ATP2B3: variants seen among roughly 807,000 people sequenced by gnomAD.
ATP2B3 encodes the protein plasma membrane calcium-transporting ATPase 3.
Under a neutral mutation model 70.8 loss-of-function variants are expected in ATP2B3, and 12 were observed. The observed-to-expected ratio is 0.17, with a 90% CI of 0.11 to 0.27. The LOEUF is 0.27. Among genes scored for constraint, ATP2B3 ranks in the 10% least tolerant of loss-of-function variants. The probability of loss-of-function intolerance (pLI) is 1.00; values close to 1 mark genes in which losing one functional copy is unlikely to be tolerated. For missense variants in ATP2B3, 858 were observed against 1,118.5 expected (o/e 0.77, Z 3.32); for synonymous variants, 460 against 497.8 (o/e 0.92, Z 1.01).
In ATP2B3 at chrX:153,549,509, G is replaced by T. The variant is rs782363742; in HGVS notation, c.1351G>T (p.Asp451Tyr). ...LAYSVKKMMK[D>Y]NNLVRHLDAC... Reference sequence around the variant, plus strand: ...TCGCCCTTTGCAGAAAATGATGAAAGACAACAACCTGGTGCGCCACCTGGA... The same window carrying T: ...TCGCCCTTTGCAGAAAATGATGAAATACAACAACCTGGTGCGCCACCTGGA... Residue 451 changes from aspartate to tyrosine, a missense_variant, in exon 11 of 22, where the codon GAC (aspartate) becomes TAC (tyrosine). Physicochemically the swap from Asp to Tyr is radical, Grantham distance 160 (BLOSUM62 -3). Around this residue, in one of 5 missense-constraint regions of ATP2B3, gnomAD observed 23 missense variants for 59.0 expected, o/e 0.39. Coordinates refer to ENST00000263519, the MANE Select transcript of ATP2B3 (RefSeq NM_001001344.3). The T allele has an allele frequency of 8.3e-7, 1 of 1,211,750 alleles. No homozygotes were observed. Among genetic ancestry groups the T allele is most frequent in the Non-Finnish European group, 1.1e-6 (1 of 895,373 alleles).
At chrX:153,538,352 T>C (rs782462793) in intron 3 of ATP2B3, among the ~76,000 whole-genome samples, 1 of 113,160 alleles carries the variant, frequency 8.8e-6, no homozygotes, top group South Asian at 3.6e-4. Context: ...AGGTGCTTTA[T>C]GGCGCATAGT....
intron 2 of ATP2B3, among the ~76,000 whole-genome samples, chrX:153,527,045 G>C (rs781926888): frequency 8.9e-6 from 1 of 112,530 alleles, no homozygotes; most frequent in East Asian, 2.8e-4. Context: ...GAAGGACTTA[G>C]CCCAGGGCCC....
rs913850301 is a variant in ATP2B3 at position 153,531,390 on chromosome X, T to C, written c.-126-4732T>C. On this transcript the variant is annotated intron_variant, in intron 2 of 21. Transcript: ENST00000263519. ...GTTCTGCCGGGCCTGGCCTGTGTTCTAGGAGCCTGGAGGTGGAGAGAGATG... is the reference window on the plus strand; with the variant it reads ...GTTCTGCCGGGCCTGGCCTGTGTTCCAGGAGCCTGGAGGTGGAGAGAGATG... Among the ~76,000 whole-genome samples the C allele has an allele frequency of 2.6e-5, 3 of 113,480 alleles. No homozygotes were observed. In the East Asian group the frequency reaches 8.3e-4, roughly 32 times the overall value.
chrX:153,554,572 C>T (rs910145641), intron 13 of ATP2B3, among the ~76,000 whole-genome samples: 5 of 112,646 alleles, frequency 4.4e-5, no homozygotes, highest in Non-Finnish European at 7.5e-5. Flanking sequence ...CTGAGGAGGA[C>T]GCACAGAAGG....
In ATP2B3 at chrX:153,549,570, G is replaced by A; in HGVS notation, c.1412G>A (p.Cys471Tyr). Residue 471 changes from cysteine (C) to tyrosine (Y), a missense_variant, in exon 11 of 22, where the codon TGC becomes TAC. Physicochemically the swap from Cys to Tyr is radical, Grantham distance 194 (BLOSUM62 -2). Around this residue, in one of 5 missense-constraint regions of ATP2B3, gnomAD observed 23 missense variants for 59.0 expected, o/e 0.39. Transcript: ENST00000263519. ...ACCATGGGCAACGCCACAGCCATCT[G>A]CTCCGACAAGACGGGCACGCTCACC... Reference protein sequence around the residue: ...CETMGNATAICSDKTGTLTTN... With the variant: ...CETMGNATAIYSDKTGTLTTN... 1.6e-6 allele frequency: 2 copies of A among 1,212,337 alleles called. No homozygotes were observed. The highest frequency in any genetic ancestry group is 2.2e-6 in the Non-Finnish European group (2 of 895,657).
intron 21 of ATP2B3, among the ~76,000 whole-genome samples, chrX:153,571,324 C>T (rs1245802072): frequency 1.8e-5 from 2 of 112,417 alleles, no homozygotes; most frequent in Non-Finnish European, 1.9e-5. Context: ...GCTGTGCCTC[C>T]GCCTCCCTCC....
At chrX:153,548,213 G>A (rs782260974) in intron 9 of ATP2B3, among the ~76,000 whole-genome samples, 2 of 112,722 alleles carry the variant, frequency 1.8e-5, no homozygotes, top group South Asian at 3.7e-4. Context: ...AACCCTCGAC[G>A]AAAGCCCGGG....
chrX:153,579,869 C>G, intron 21 of ATP2B3, 109 bp from the exon 22 acceptor site: 1 of 716,491 alleles, frequency 1.4e-6, no homozygotes, highest in Non-Finnish European at 2.1e-6. Context: ...CGGCCACTGA[C>G]TGTCTCCTTC....
intron 21 of ATP2B3, among the ~76,000 whole-genome samples, chrX:153,571,106 C>A (rs1283448709): frequency 3.6e-5 from 4 of 111,635 alleles, no homozygotes; most frequent in Non-Finnish European, 7.6e-5. Flanking sequence ...GGCCACCTAC[C>A]CTTGTCACAA....
chrX:153,530,758 C>G (rs992929295), intron 2 of ATP2B3, among the ~76,000 whole-genome samples: 1 of 104,316 alleles, frequency 9.6e-6, no homozygotes, highest in African/African-American at 3.6e-5. Context: ...AGCCACTTGT[C>G]ATGTGTACAG....
rs895866699 is a variant in ATP2B3, at chrX:153,536,428, C to T, written c.181C>T (p.Arg61Trp). The T allele has an allele frequency of 1.4e-5, 17 of 1,200,115 alleles. No individual in the cohort carries two copies. Among genetic ancestry groups the T allele is most frequent in the Non-Finnish European group, 1.9e-5 (17 of 891,074 alleles). ...CTACGGGGATGTCAGCGGGCTCTGC[C>T]GGAGGCTGAAGACCTCACCCACAGA... ...EAYGDVSGLC[R>W]RLKTSPTEGL... The change falls in exon 3 of 22, where the codon CGG becomes TGG. Residue 61 changes from arginine (R) to tryptophan (W), a missense_variant. By Grantham distance (101) the Arg-to-Trp change is moderately radical. Transcript: ENST00000263519.
rs1361316792 is a variant in ATP2B3 at position 153,554,253 on chromosome X, C to T, written c.2058+984C>T. The stretch of plus-strand genomic sequence containing the variant: ...CAGAAGTCCAGCGAGGGAAATGGGC[C>T]CCGCAAAGGCGGGCAGCGGCATGAG... On this transcript the variant is annotated intron_variant, in intron 13 of 21. Transcript: ENST00000263519. 2.7e-5 allele frequency among the ~76,000 whole-genome samples: 3 copies of T among 113,056 alleles called. No individual in the cohort carries two copies. In the East Asian group the frequency reaches 8.4e-4, roughly 32 times the overall value.
At chrX:153,560,247 T>C (rs2090604477) in intron 18 of ATP2B3, among the ~76,000 whole-genome samples, 1 of 111,725 alleles carries the variant, frequency 9.0e-6, no homozygotes. Flanking sequence ...AGTAGGCAGC[T>C]TCTACCCAGC....
intron 10 of ATP2B3, among the ~76,000 whole-genome samples, 197 bp from the exon 11 acceptor site, chrX:153,549,300 C>G (rs2090420455): frequency 9.1e-6 from 1 of 110,110 alleles, no homozygotes; most frequent in African/African-American, 3.3e-5. Context: ...GCGCATCCCG[C>G]CCCCACCATT....
At chrX:153,540,875 A>T (rs2090269238) in intron 3 of ATP2B3, among the ~76,000 whole-genome samples, 1 of 111,456 alleles carries the variant, frequency 9.0e-6, no homozygotes, top group Non-Finnish European at 1.9e-5. Flanking sequence ...AGTCCCCTGG[A>T]CACTCGCTCT....
At chrX:153,545,946 G>A (rs1557008525) in intron 7 of ATP2B3, 142 bp from the exon 8 acceptor site, 8 of 576,898 alleles carry the variant, frequency 1.4e-5, no homozygotes, top group Non-Finnish European at 2.3e-5. Context: ...GTGCTGGGAG[G>A]TGGTGACGGG....
chrX:153,542,293 G>C, intron 5 of ATP2B3, 30 bp from the exon 6 acceptor site: 1 of 1,209,496 alleles, frequency 8.3e-7, no homozygotes, highest in Non-Finnish European at 1.1e-6. Context: ...AGGCGGTGGG[G>C]AGAAAGGCCT....
intron 2 of ATP2B3, among the ~76,000 whole-genome samples, chrX:153,521,783 G>C (rs782160766): frequency 1.2e-4 from 14 of 112,230 alleles, no homozygotes; most frequent in African/African-American, 4.2e-4. Flanking sequence ...AGGTGCACCA[G>C]CCACATTTCA....
At chrX:153,571,787 C>G (rs979286220) in intron 21 of ATP2B3, among the ~76,000 whole-genome samples, 1 of 112,724 alleles carries the variant, frequency 8.9e-6, no homozygotes, top group Admixed American at 9.3e-5. Flanking sequence ...GGGCAGCTGT[C>G]CCTTGCACAC....
Sources: allele counts gnomAD v4.1 joint callset (sites outside exome capture counted in the v4.1 genomes callset), GRCh38; gene constraint gnomAD v4.1.1; regional missense constraint gnomAD v4.1.1; transcripts MANE v1.5; gene names NCBI Gene and HGNC (gene_info 2026-07-23, HGNC 2026-07-21).